The following RNLS variants were observed in gnomAD, a reference collection of about 807,000 sequenced individuals.
The protein encoded by RNLS is renalase, FAD dependent amine oxidase, also known as renalase.
In RNLS, 39 loss-of-function variants were observed where a neutral mutation model predicts 39.8. That is an observed-to-expected ratio of 0.98 (90% CI 0.76 to 1.28). The LOEUF is 1.28. Ranked by LOEUF, RNLS falls within the 50% of genes most tolerant of loss-of-function variation. The probability of loss-of-function intolerance (pLI) is 0.00; values close to 1 mark genes in which losing one functional copy is unlikely to be tolerated. For missense variants in RNLS, 410 were observed against 413.3 expected (o/e 0.99, Z 0.07); for synonymous variants, 147 against 150.7 (o/e 0.98, Z 0.18).
the RNLS span, among the ~76,000 whole-genome samples, chr10:88,241,502 C>G: frequency 1.3e-5 from 2 of 152,134 alleles, no homozygotes; most frequent in African/African-American, 4.8e-5. Context: ...TGTCCCTTTT[C>G]ATGTCTAGTA....
chr10:88,572,221 T>C (rs1215903778), intron 4 of RNLS, among the ~76,000 whole-genome samples: 1 of 151,532 alleles, frequency 6.6e-6, no homozygotes, highest in Admixed American at 6.6e-5. Context: ...TGGGGAAAGA[T>C]AGGAAATCAA....
At chr10:88,500,614 T>C (rs962238370) in intron 4 of RNLS, among the ~76,000 whole-genome samples, 3 of 152,214 alleles carry the variant, frequency 2.0e-5, no homozygotes, top group Admixed American at 6.5e-5. Flanking sequence ...TGCTATTTAA[T>C]GTTGACAACT....
At chr10:88,287,494 C>A (rs571521849) in intron 6 of RNLS, among the ~76,000 whole-genome samples, 1 of 152,076 alleles carries the variant, frequency 6.6e-6, no homozygotes, top group South Asian at 2.1e-4. Flanking sequence ...AAGAAGAAAA[C>A]GGCTAGGATT....
At chr10:88,221,545 T>C in the RNLS span, among the ~76,000 whole-genome samples, 2 of 152,210 alleles carry the variant, frequency 1.3e-5, no homozygotes, top group Admixed American at 6.5e-5. Context: ...AAAATACACT[T>C]AACACAAATA....
the RNLS span, among the ~76,000 whole-genome samples, chr10:88,180,350 C>A: frequency 6.6e-6 from 1 of 152,070 alleles, no homozygotes; most frequent in Non-Finnish European, 1.5e-5. Context: ...CAGTGAGATC[C>A]TTCTCTTATA....
At chr10:88,287,042 G>A (rs923515267) in intron 6 of RNLS, among the ~76,000 whole-genome samples, 14 of 152,136 alleles carry the variant, frequency 9.2e-5, no homozygotes, top group African/African-American at 3.4e-4. Flanking sequence ...TCCTGTCTTG[G>A]CTTCCCAAAG....
At chr10:88,317,049 C>T (rs568406489) in intron 5 of RNLS, among the ~76,000 whole-genome samples, 5 of 152,206 alleles carry the variant, frequency 3.3e-5, no homozygotes, top group African/African-American at 4.8e-5. Context: ...TCCTTGGTCA[C>T]GGGGAAGTTA....
chr10:88,495,118 T>C (rs938499735), intron 4 of RNLS, among the ~76,000 whole-genome samples: 1 of 152,144 alleles, frequency 6.6e-6, no homozygotes, highest in Non-Finnish European at 1.5e-5. Context: ...CCTATTTCCA[T>C]TACCTAATTT....
intron 6 of RNLS, among the ~76,000 whole-genome samples, chr10:88,292,812 G>A (rs1419915156): frequency 6.6e-6 from 1 of 152,012 alleles, no homozygotes; most frequent in African/African-American, 2.4e-5. Context: ...GGGAGGCTGA[G>A]ACGGGTGGAT....
intron 5 of RNLS, among the ~76,000 whole-genome samples, chr10:88,344,745 T>C (rs926773390): frequency 6.6e-5 from 10 of 152,174 alleles, no homozygotes; most frequent in Non-Finnish European, 1.5e-5. Flanking sequence ...AATAGAAATC[T>C]ATTTTAGTGA....
At chr10:88,334,419 C>T (rs1847334846) in intron 5 of RNLS, among the ~76,000 whole-genome samples, 1 of 152,110 alleles carries the variant, frequency 6.6e-6, no homozygotes, top group Non-Finnish European at 1.5e-5. Context: ...AGATTCAATC[C>T]ATGTAAAGTG....
intron 4 of RNLS, among the ~76,000 whole-genome samples, chr10:88,387,502 CAAAAAA>C (rs5786817): frequency 1.7e-4 from 12 of 70,110 alleles, no homozygotes; most frequent in South Asian, 5.4e-4. Flanking sequence ...GAGAACAGAG[CAAAAAA>C]AAAAAAAAAA....
chr10:88,413,904 T>C (rs1853854083), intron 4 of RNLS, among the ~76,000 whole-genome samples: 1 of 152,174 alleles, frequency 6.6e-6, no homozygotes, highest in Non-Finnish European at 1.5e-5. Flanking sequence ...AACCTGGACC[T>C]TATTTTGTTC....
At chr10:88,580,722 G>C (rs921600652) in intron 3 of RNLS, among the ~76,000 whole-genome samples, 1 of 152,040 alleles carries the variant, frequency 6.6e-6, no homozygotes, top group Non-Finnish European at 1.5e-5. Context: ...GCAAAGAGCT[G>C]GCTAATAAAA....
intron 5 of RNLS, among the ~76,000 whole-genome samples, chr10:88,332,564 G>A (rs190742390): frequency 1.3e-5 from 2 of 152,210 alleles, no homozygotes; most frequent in South Asian, 4.1e-4. Flanking sequence ...AGCCTCATTT[G>A]GGAGACTTAA....
chr10:88,260,899 G>C, the RNLS span, among the ~76,000 whole-genome samples: 1 of 152,208 alleles, frequency 6.6e-6, no homozygotes, highest in Non-Finnish European at 1.5e-5. Context: ...ATGAACATGT[G>C]CTGACATGTT....
chr10:88,326,468 TGA>T (rs1589559615), intron 5 of RNLS, among the ~76,000 whole-genome samples: 1 of 152,146 alleles, frequency 6.6e-6, no homozygotes, highest in East Asian at 1.9e-4. Flanking sequence ...ACTTTGAACT[TGA>T]GAGAGATGAC....
chr10:88,201,905 T>C, the RNLS span, among the ~76,000 whole-genome samples: 10 of 152,216 alleles, frequency 6.6e-5, no homozygotes, highest in African/African-American at 2.4e-4. Context: ...GATAAAGCCA[T>C]TTTTTGATCT....
At chr10:88,513,325 T>C (rs1262282426) in intron 4 of RNLS, among the ~76,000 whole-genome samples, 1 of 152,160 alleles carries the variant, frequency 6.6e-6, no homozygotes, top group African/African-American at 2.4e-5. Context: ...TGTTCCATAA[T>C]ATGGATGCAC....
Sources: allele counts gnomAD v4.1 joint callset (sites outside exome capture counted in the v4.1 genomes callset), GRCh38; gene constraint gnomAD v4.1.1; transcripts MANE v1.5; gene names NCBI Gene and HGNC (gene_info 2026-07-23, HGNC 2026-07-21).